The following FRMD4A variants were observed in gnomAD, a reference collection of about 807,000 sequenced individuals.
The protein encoded by FRMD4A is FERM domain containing 4A.
A neutral mutation model predicts 129.1 loss-of-function variants in FRMD4A; 29 were observed. The ratio of observed to expected loss-of-function variants is 0.22; its 90% CI spans 0.17 to 0.31. The LOEUF (loss-of-function observed/expected upper bound fraction) is 0.31, where lower values mean the gene tolerates loss of function less well. Among genes scored for constraint, FRMD4A ranks in the 10% least tolerant of loss-of-function variants. The pLI, the probability that FRMD4A is intolerant of heterozygous loss-of-function variation, is 1.00. For missense variants in FRMD4A, 1,272 were observed against 1,375.8 expected (o/e 0.92, Z 1.19); for synonymous variants, 634 against 571.6 (o/e 1.11, Z -1.56).
intron 2 of FRMD4A, among the ~76,000 whole-genome samples, chr10:14,270,166 C>A (rs1238939510): frequency 6.6e-6 from 1 of 152,218 alleles, no homozygotes; most frequent in African/African-American, 2.4e-5. Flanking sequence ...TCTGAAGCCT[C>A]TGGACTTAGA....
rs72774674 is a variant in FRMD4A at position 13,949,375 on chromosome 10, A to C, written c.46-90463T>G. ...GAAGTTTTCTACTTGCATTTTCTAA[A>C]AGTTAACTTTTCAAGTACAGCTTTG... On this transcript the variant is annotated intron_variant, in intron 2 of 24. Transcript: ENST00000357447. 8.5e-3 allele frequency among the ~76,000 whole-genome samples: 1,261 copies of C among 149,102 alleles called. 12 individuals carry two copies. The highest frequency in any genetic ancestry group is 0.014 in the Non-Finnish European group (900 of 66,040).
intron 4 of FRMD4A, among the ~76,000 whole-genome samples, chr10:13,807,780 C>T (rs1187215664): frequency 2.0e-5 from 3 of 149,520 alleles, no homozygotes; most frequent in East Asian, 2.0e-4. Context: ...TAGAGTCACA[C>T]GTTCTATTAT....
intron 15 of FRMD4A, among the ~76,000 whole-genome samples, chr10:13,679,476 C>A (rs12248287): frequency 2.2e-5 from 1 of 45,254 alleles, no homozygotes; most frequent in African/African-American, 9.2e-5. Context: ...TATATATATA[C>A]ACACACACAC....
intron 17 of FRMD4A, chr10:13,668,237 C>T (rs1346557437): frequency 6.6e-6 from 1 of 152,266 alleles, no homozygotes; most frequent in African/African-American, 2.4e-5. Context: ...AGAAGAATAT[C>T]AACATGGACT....
intron 2 of FRMD4A, among the ~76,000 whole-genome samples, chr10:14,221,961 G>A (rs1044042387): frequency 2.0e-5 from 3 of 152,184 alleles, no homozygotes; most frequent in Non-Finnish European, 2.9e-5. Flanking sequence ...AAAAATGATT[G>A]CTGCTTCTCA....
At chr10:13,801,316 A>G (rs1195247525) in intron 4 of FRMD4A, among the ~76,000 whole-genome samples, 2 of 152,218 alleles carry the variant, frequency 1.3e-5, no homozygotes, top group African/African-American at 4.8e-5. Context: ...GGAAGCTGGA[A>G]TGACACCTAT....
chr10:13,761,033 T>C (rs1210095485), intron 8 of FRMD4A, among the ~76,000 whole-genome samples: 1 of 152,230 alleles, frequency 6.6e-6, no homozygotes, highest in Non-Finnish European at 1.5e-5. Flanking sequence ...ATTTCAGCCA[T>C]ACTGATCAAC....
intron 2 of FRMD4A, among the ~76,000 whole-genome samples, chr10:13,860,930 C>G (rs145273225): frequency 6.6e-6 from 1 of 152,176 alleles, no homozygotes; most frequent in African/African-American, 2.4e-5. Flanking sequence ...AGAGCAGTCT[C>G]GTTTCTCTCA....
intron 2 of FRMD4A, among the ~76,000 whole-genome samples, chr10:13,967,385 A>C (rs1422016910): frequency 1.3e-5 from 2 of 152,202 alleles, no homozygotes; most frequent in Non-Finnish European, 2.9e-5. Context: ...ACTCGGGGAA[A>C]GGGTGGGAAG....
At chr10:13,819,827 T>G (rs1372854919) in intron 3 of FRMD4A, among the ~76,000 whole-genome samples, 1 of 151,592 alleles carries the variant, frequency 6.6e-6, no homozygotes, top group African/African-American at 2.4e-5. Context: ...GTTCAAGCAA[T>G]TCTCATGCCT....
At chr10:14,076,470 C>T (rs1362552689) in intron 2 of FRMD4A, among the ~76,000 whole-genome samples, 1 of 152,050 alleles carries the variant, frequency 6.6e-6, no homozygotes. Flanking sequence ...GAGACCCTGT[C>T]TCTACTAAAA....
intron 2 of FRMD4A, among the ~76,000 whole-genome samples, chr10:13,905,150 C>A (rs1052496887): frequency 6.6e-6 from 1 of 152,112 alleles, no homozygotes; most frequent in Non-Finnish European, 1.5e-5. Flanking sequence ...CTGGCCCCAA[C>A]AATAAAGCCC....
chr10:14,079,967 G>T (rs1048206583), intron 2 of FRMD4A, among the ~76,000 whole-genome samples: 1 of 152,134 alleles, frequency 6.6e-6, no homozygotes, highest in South Asian at 2.1e-4. Flanking sequence ...TGTCCATTGC[G>T]CCCAACACCA....
chr10:14,192,344 G>T (rs1021491160), intron 2 of FRMD4A, among the ~76,000 whole-genome samples: 2 of 152,222 alleles, frequency 1.3e-5, no homozygotes, highest in African/African-American at 4.8e-5. Flanking sequence ...GATGTTGAAA[G>T]AGATTGATTA....
intron 2 of FRMD4A, among the ~76,000 whole-genome samples, chr10:13,998,590 T>C (rs1347787294): frequency 6.6e-6 from 1 of 152,224 alleles, no homozygotes; most frequent in African/African-American, 2.4e-5. Flanking sequence ...ACTGACCAGC[T>C]CTTCCTGCAG....
intron 12 of FRMD4A, among the ~76,000 whole-genome samples, chr10:13,737,515 C>T (rs1425115613): frequency 1.3e-5 from 2 of 152,062 alleles, no homozygotes; most frequent in Non-Finnish European, 2.9e-5. Flanking sequence ...ATCATTTTTC[C>T]AAAGAATACA....
intron 2 of FRMD4A, among the ~76,000 whole-genome samples, chr10:13,873,486 C>T (rs1248106484): frequency 5.9e-5 from 9 of 152,168 alleles, no homozygotes; most frequent in East Asian, 3.8e-4. Flanking sequence ...CAGCATTTTT[C>T]GTGCACTACA....
intron 2 of FRMD4A, among the ~76,000 whole-genome samples, chr10:14,086,781 A>G (rs1489748797): frequency 6.6e-6 from 1 of 152,186 alleles, no homozygotes; most frequent in African/African-American, 2.4e-5. Flanking sequence ...AACAGACACC[A>G]CTGAGCGGAC....
intron 14 of FRMD4A, among the ~76,000 whole-genome samples, chr10:13,699,759 C>A (rs757862831): frequency 6.6e-6 from 1 of 152,202 alleles, no homozygotes; most frequent in Non-Finnish European, 1.5e-5. Context: ...CGACCTCCAA[C>A]TGTTGCCCCT....
Sources: gnomAD v4.1 joint callset for allele counts (sites outside exome capture counted in the v4.1 genomes callset) on GRCh38, gnomAD v4.1.1 for gene constraint, MANE v1.5 for transcripts, NCBI Gene and HGNC (gene_info 2026-07-23, HGNC 2026-07-21) for gene names.